NXPE3: variants seen among roughly 807,000 people sequenced by gnomAD.
NXPE3 encodes NXPE family member 3.
NXPE3 carries 26 observed loss-of-function variants against 46.1 expected under a neutral mutation model. The observed-to-expected ratio is 0.56, with a 90% CI of 0.41 to 0.78. The LOEUF (loss-of-function observed/expected upper bound fraction) is 0.78. Ranked by LOEUF, NXPE3 falls within the 30% of genes least tolerant of loss-of-function variation. NXPE3 has a pLI of 0.00. For missense variants in NXPE3, 620 were observed against 686.0 expected (o/e 0.90, Z 1.07); for synonymous variants, 272 against 257.9 (o/e 1.05, Z -0.52).
chr3:101,786,910 A>T (rs545132877), intron 4 of NXPE3, among the ~76,000 whole-genome samples: 1 of 152,250 alleles, frequency 6.6e-6, no homozygotes, highest in South Asian at 2.1e-4. Flanking sequence ...CCCAAACTGC[A>T]GCTCTTTACC....
intron 4 of NXPE3, among the ~76,000 whole-genome samples, chr3:101,798,652 G>A (rs1444953202): frequency 7.0e-6 from 1 of 141,964 alleles, no homozygotes; most frequent in Non-Finnish European, 1.5e-5. Flanking sequence ...TTGTTCTGTT[G>A]TCCAGGCTGG....
rs1940428381 is a variant in NXPE3 at position 101,790,246 on chromosome 3, T to A, written c.93+4557T>A. Among the ~76,000 whole-genome samples, 3 of 152,188 alleles carry A rather than the reference T, an allele frequency of 2.0e-5. 1 individual carries two copies. The South Asian group carries it at 6.2e-4, about 31-fold the overall frequency. On this transcript the variant is annotated intron_variant, in intron 4 of 7. Transcript: ENST00000273347. ...ATAAATGTCAGTTAGATCAACATGG[T>A]TCATGGTGTTGGTTGTCTTCTGTAT...
chr3:101,796,603 GA>G (rs1940843002), intron 4 of NXPE3, among the ~76,000 whole-genome samples: 1 of 152,140 alleles, frequency 6.6e-6, no homozygotes, highest in Non-Finnish European at 1.5e-5. Flanking sequence ...AGGGTGGCTG[GA>G]ACATTTCCTG....
chr3:101,788,007 C>G (rs1019516226), intron 4 of NXPE3, among the ~76,000 whole-genome samples: 1 of 152,190 alleles, frequency 6.6e-6, no homozygotes, highest in Non-Finnish European at 1.5e-5. Flanking sequence ...TTATCCTTAT[C>G]AACAGTACAC....
At position 101,816,802 on chromosome 3, in the gene NXPE3, C is replaced by G. The variant is rs1941990257; in HGVS notation, c.930C>G (p.Asn310Lys). ...TTTCTTTTTTCTTTGCAGAAACTAA[C>G]AGTCTAGAACTATCTCAAGGCTCAG... ...TVIPRRIKET[N>K]SLELSQGSGT... The change falls in exon 7 of 8, where the codon AAC becomes AAG. Residue 310 changes from asparagine to lysine, a missense_variant. By Grantham distance (94) the Asn-to-Lys change is moderately conservative (BLOSUM62 0). Coordinates refer to ENST00000273347, the MANE Select transcript of NXPE3 (RefSeq NM_145037.4). 6.2e-7 allele frequency: 1 copy of G among 1,605,930 alleles called. No homozygotes were observed. The highest frequency in any genetic ancestry group is 1.3e-5 in the African/African-American group (1 of 74,586).
rs988815580 is a variant in NXPE3, at chr3:101,822,291, T to A, written c.*337T>A. On this transcript the variant is annotated 3_prime_UTR_variant, in exon 8 of 8. Transcript: ENST00000273347. ...TTGCTAAAGAGTATGAAAAATGTTT[T>A]GATGGAAGGGACAAGTTTGGTTGGT... 4.4e-6 allele frequency: 1 copy of A among 226,192 alleles called. No homozygotes were observed. The highest frequency in any genetic ancestry group is 8.9e-6 in the Non-Finnish European group (1 of 112,414). The allele number at this position is 226,192 out of a possible 1,614,324, so 14.0% of individuals were successfully genotyped here.
At chr3:101,791,492 T>A (rs1256972799) in intron 4 of NXPE3, among the ~76,000 whole-genome samples, 18 of 152,166 alleles carry the variant, frequency 1.2e-4, no homozygotes, top group Admixed American at 1.2e-3. Flanking sequence ...TTCAAGTTAT[T>A]CTCCTGCCTC....
intron 6 of NXPE3, among the ~76,000 whole-genome samples, chr3:101,808,824 T>TAG (rs1941557540): frequency 1.3e-5 from 1 of 74,890 alleles, no homozygotes; most frequent in Admixed American, 1.2e-4. Flanking sequence ...AGAGGATATA[T>TAG]ATATATATAT....
chr3:101,780,036 T>G (rs1208735422), intron 1 of NXPE3: 1 of 152,240 alleles, frequency 6.6e-6, no homozygotes, highest in Non-Finnish European at 1.5e-5. Flanking sequence ...GCAGCATTTG[T>G]GCAAAATTGT....
At position 101,801,441 on chromosome 3, in the gene NXPE3, C is replaced by T; in HGVS notation, c.300C>T (p.Ser100=). The change falls in exon 5 of 8, where the codon AGC becomes AGT. Residue 100 remains serine, a synonymous_variant. Transcript: ENST00000273347. ...PDVGPVPFVK[S]TDPSSSYFVI... is the part of the protein sequence containing the mutation. Reference sequence around the variant, plus strand: ...TGGGCCCAGTCCCCTTTGTGAAGAGCACTGACCCTTCTTCCAGCTACTTTG... The same window carrying T: ...TGGGCCCAGTCCCCTTTGTGAAGAGTACTGACCCTTCTTCCAGCTACTTTG... 2 of 1,614,196 alleles carry T rather than the reference C, an allele frequency of 1.2e-6. No individual in the cohort carries two copies. Among genetic ancestry groups the T allele is most frequent in the Non-Finnish European group, 1.7e-6 (2 of 1,180,028 alleles).
In NXPE3 at chr3:101,828,078, T is replaced by C. The variant is rs1412024160; in HGVS notation, c.*6124T>C. The C allele has an allele frequency of 6.6e-6, 1 of 152,214 alleles. No homozygotes were observed. The highest frequency in any genetic ancestry group is 1.5e-5 in the Non-Finnish European group (1 of 68,040). 9.4% of individuals were successfully genotyped at this position (152,214 alleles called of 1,614,324 possible). ...TCATGTAACCTCAAAAGGAAACTGA[T>C]CGTCTTTCTCATGCTGTCACGTACT... is the stretch of plus-strand genomic sequence containing the variant. On this transcript the variant is annotated 3_prime_UTR_variant, in exon 8 of 8. Transcript: ENST00000273347.
chr3:101,781,511 CCA>C (rs768061055), intron 1 of NXPE3, among the ~76,000 whole-genome samples: 1 of 152,176 alleles, frequency 6.6e-6, no homozygotes, highest in Non-Finnish European at 1.5e-5. Flanking sequence ...GTTAGATTGG[CCA>C]CTATGAGTCT....
At chr3:101,804,849 A>G (rs1046972066) in intron 5 of NXPE3, among the ~76,000 whole-genome samples, 1 of 152,206 alleles carries the variant, frequency 6.6e-6, no homozygotes, top group Non-Finnish European at 1.5e-5. Context: ...TAAAGATCCT[A>G]TTAATATAAG....
At position 101,826,643 on chromosome 3, in the gene NXPE3, G is replaced by A. The variant is rs1023875751; in HGVS notation, c.*4689G>A. On this transcript the variant is annotated 3_prime_UTR_variant, in exon 8 of 8. Transcript: ENST00000273347. ...GACGATAAGAGGATGGTTGAGGGCA[G>A]GAGTTTAAAGGACACAGAAGCTAGG... The A allele has an allele frequency of 6.6e-6, 1 of 152,166 alleles. No homozygotes were observed. The highest frequency in any genetic ancestry group is 2.4e-5 in the African/African-American group (1 of 41,424). The allele number at this position is 152,166 out of a possible 1,614,324, so 9.4% of individuals were successfully genotyped here.
chr3:101,793,699 G>A (rs1431911699), intron 4 of NXPE3, among the ~76,000 whole-genome samples: 2 of 94,110 alleles, frequency 2.1e-5, no homozygotes, highest in Admixed American at 1.5e-4. Flanking sequence ...TACTATTCCT[G>A]TATAAACTCA....
intron 5 of NXPE3, among the ~76,000 whole-genome samples, chr3:101,805,051 T>A (rs1941346309): frequency 6.6e-6 from 1 of 152,210 alleles, no homozygotes; most frequent in Admixed American, 6.5e-5. Context: ...TTTTGCTTTA[T>A]CTTTCTTTGT....
chr3:101,823,088 C>T lies in NXPE3; in HGVS notation c.*1134C>T, dbSNP rs1323062318. On this transcript the variant is annotated 3_prime_UTR_variant, in exon 8 of 8. Coordinates refer to ENST00000273347, the MANE Select transcript of NXPE3 (RefSeq NM_145037.4). The stretch of plus-strand genomic sequence containing the variant: ...TTTTATTTGACTTATTAATTTTAAA[C>T]GAGTTTAATTTGGGATCATTTAGTA... 5.3e-5 allele frequency: 8 copies of T among 151,932 alleles called. No homozygotes were observed. Among genetic ancestry groups the T allele is most frequent in the Non-Finnish European group, 8.8e-5 (6 of 67,980 alleles). The allele number at this position is 151,932 out of a possible 1,614,324, so 9.4% of individuals were successfully genotyped here. A position where few individuals can be genotyped will look rare whatever the true frequency, so the allele number is the denominator to read the frequency against.
intron 7 of NXPE3, 111 bp downstream of exon 7, chr3:101,817,112 G>T (rs1942010587): frequency 6.3e-6 from 6 of 945,060 alleles, no homozygotes; most frequent in African/African-American, 3.3e-5. Context: ...ATATATTTCT[G>T]TGTAGGACTA....
intron 6 of NXPE3, among the ~76,000 whole-genome samples, chr3:101,807,849 C>T (rs1477292457): frequency 3.9e-5 from 6 of 152,116 alleles, no homozygotes; most frequent in Non-Finnish European, 1.5e-5. Flanking sequence ...TCCATCATCT[C>T]AAAAAGTTGT....
Sources: allele counts gnomAD v4.1 joint callset (sites outside exome capture counted in the v4.1 genomes callset), GRCh38; gene constraint gnomAD v4.1.1; transcripts MANE v1.5; gene names NCBI Gene and HGNC (gene_info 2026-07-23, HGNC 2026-07-21).